LMNTD1: variants seen among roughly 807,000 people sequenced by gnomAD.
LMNTD1 encodes the protein lamin tail domain containing 1.
LMNTD1 carries 35 observed loss-of-function variants against 50.9 expected under a neutral mutation model. The ratio of observed to expected loss-of-function variants is 0.69; its 90% CI spans 0.53 to 0.91. The LOEUF (loss-of-function observed/expected upper bound fraction) is 0.91. LMNTD1 is among the 40% of genes least tolerant of loss of function. The pLI is 0.00. For synonymous variants in LMNTD1, 153 were observed against 161.9 expected (o/e 0.94, Z 0.42); for missense variants, 470 against 475.5 (o/e 0.99, Z 0.11).
chr12:25,632,426 G>T (rs1032551306), intron 1 of LMNTD1, among the ~76,000 whole-genome samples: 1 of 152,140 alleles, frequency 6.6e-6, no homozygotes, highest in South Asian at 2.1e-4. Context: ...AAGGAAAATT[G>T]ATCAGATTAA....
chr12:25,601,174 T>C (rs765319624), intron 1 of LMNTD1, among the ~76,000 whole-genome samples: 3 of 152,032 alleles, frequency 2.0e-5, no homozygotes, highest in Non-Finnish European at 2.9e-5. Flanking sequence ...GAGATCGTTA[T>C]GCTAAGTGAA....
chr12:25,485,669 A>T lies in LMNTD1; in HGVS notation c.*23-9209T>A, dbSNP rs1198095837. On this transcript the variant is annotated intron_variant, in intron 9 of 9. Coordinates refer to ENST00000458174, the MANE Select transcript of LMNTD1 (RefSeq NM_001145728.2). ...ACGTTTAAATCTTTAATCCATCTTG[A>T]ATTGATTTTTGTATAAGGTGTAAGG... 1.8e-4 allele frequency among the ~76,000 whole-genome samples: 15 copies of T among 83,298 alleles called. No homozygotes were observed. The South Asian group carries it at 8.3e-3, about 46-fold the overall frequency. The allele number at this position is 83,298 out of a possible 152,430, so 54.6% of individuals were successfully genotyped here.
At chr12:25,566,299 C>G (rs1231631498) in intron 1 of LMNTD1, among the ~76,000 whole-genome samples, 1 of 151,844 alleles carries the variant, frequency 6.6e-6, no homozygotes. Flanking sequence ...TTTTTTTCTT[C>G]TGTCTCTTCT....
chr12:25,528,051 G>A (rs1477358102), intron 4 of LMNTD1, among the ~76,000 whole-genome samples: 1 of 151,902 alleles, frequency 6.6e-6, no homozygotes, highest in Non-Finnish European at 1.5e-5. Flanking sequence ...TCCTAAAATT[G>A]TCAAAATTCT....
intron 4 of LMNTD1, among the ~76,000 whole-genome samples, chr12:25,527,640 C>CCATATATATATATA (rs1941830446): frequency 1.6e-5 from 1 of 61,720 alleles, no homozygotes; most frequent in Non-Finnish European, 3.1e-5. Context: ...CTTAATAACA[C>CCATATATATATATA]TATATATATA....
chr12:25,597,946 G>T (rs1317882357), intron 1 of LMNTD1, among the ~76,000 whole-genome samples: 3 of 152,140 alleles, frequency 2.0e-5, no homozygotes, highest in African/African-American at 4.8e-5. Flanking sequence ...GAGGAGCTCA[G>T]TGGGAAGTAA....
chr12:25,643,652 T>C (rs1946996908), intron 1 of LMNTD1, among the ~76,000 whole-genome samples: 1 of 152,172 alleles, frequency 6.6e-6, no homozygotes. Context: ...CCATGACTAA[T>C]CGAGTGTCAC....
chr12:25,546,241 G>T (rs1943419101), intron 4 of LMNTD1, 133 bp downstream of exon 4: 2 of 446,072 alleles, frequency 4.5e-6, no homozygotes, highest in Non-Finnish European at 7.7e-6. Flanking sequence ...AGATGAAACA[G>T]TTATATTTCA....
At chr12:25,616,295 G>A (rs1946352410) in intron 1 of LMNTD1, among the ~76,000 whole-genome samples, 1 of 152,118 alleles carries the variant, frequency 6.6e-6, no homozygotes, top group African/African-American at 2.4e-5. Flanking sequence ...GGCAGACATT[G>A]TGCTAAGCTT....
chr12:25,601,649 T>A (rs1945978898), intron 1 of LMNTD1, among the ~76,000 whole-genome samples: 1 of 151,772 alleles, frequency 6.6e-6, no homozygotes, highest in African/African-American at 2.4e-5. Context: ...CAGAGAAGAT[T>A]CCATTCTAAA....
At chr12:25,621,023 A>C (rs1043782227) in intron 1 of LMNTD1, among the ~76,000 whole-genome samples, 1 of 152,208 alleles carries the variant, frequency 6.6e-6, no homozygotes, top group Non-Finnish European at 1.5e-5. Context: ...AACTGACATC[A>C]GACACTGGGC....
intron 1 of LMNTD1, among the ~76,000 whole-genome samples, chr12:25,568,568 A>C (rs1229913056): frequency 6.6e-6 from 1 of 152,214 alleles, no homozygotes; most frequent in Admixed American, 6.5e-5. Flanking sequence ...TCAGAGACTT[A>C]TGAGGCAGCT....
intron 9 of LMNTD1, among the ~76,000 whole-genome samples, chr12:25,482,925 C>T (rs542677043): frequency 1.3e-5 from 2 of 152,114 alleles, no homozygotes; most frequent in Non-Finnish European, 1.5e-5. Flanking sequence ...TGTTCACTTA[C>T]AGGACCCATC....
rs61645838 is a variant in LMNTD1 at position 25,635,252 on chromosome 12, G to GAAAA, written c.58+13238_58+13241dup. Among the ~76,000 whole-genome samples the GAAAA allele has an allele frequency of 1.6e-4, 21 of 128,062 alleles. 1 individual carries two copies. Among genetic ancestry groups the GAAAA allele is most frequent in the South Asian group, 5.0e-4 (2 of 4,028 alleles). The allele number at this position is 128,062 out of a possible 152,430, so 84.0% of individuals were successfully genotyped here. The stretch of plus-strand genomic sequence containing the variant: ...TGAAACTCTGTCTCAAAAAAAAAAA[G>GAAAA]AAAAAAAAAAAAAAGAATTCAGTAA... On this transcript the variant is annotated intron_variant, in intron 1 of 7. Transcript: ENST00000445693.
chr12:25,599,756 TAATA>T (rs1945920274), intron 1 of LMNTD1, among the ~76,000 whole-genome samples: 4 of 151,878 alleles, frequency 2.6e-5, no homozygotes, highest in Admixed American at 2.0e-4. Flanking sequence ...GAGAGTGCTA[TAATA>T]AATAAAAACT....
chr12:25,515,658 G>T (rs980628676), intron 8 of LMNTD1, among the ~76,000 whole-genome samples: 1 of 152,054 alleles, frequency 6.6e-6, no homozygotes, highest in Non-Finnish European at 1.5e-5. Flanking sequence ...CATTATACTT[G>T]CTGTATTTTA....
chr12:25,494,837 A>G (rs538434399), intron 9 of LMNTD1, among the ~76,000 whole-genome samples: 10 of 152,184 alleles, frequency 6.6e-5, no homozygotes, highest in Admixed American at 3.3e-4. Flanking sequence ...CATACTTAAC[A>G]TTTGTTTCGT....
At chr12:25,529,214 T>G (rs1942044224) in intron 4 of LMNTD1, among the ~76,000 whole-genome samples, 1 of 152,178 alleles carries the variant, frequency 6.6e-6, no homozygotes, top group Non-Finnish European at 1.5e-5. Flanking sequence ...TTCACGCATC[T>G]CCCAGATGTT....
intron 9 of LMNTD1, among the ~76,000 whole-genome samples, chr12:25,500,846 C>A (rs1468034593): frequency 6.6e-6 from 1 of 152,180 alleles, no homozygotes; most frequent in Non-Finnish European, 1.5e-5. Context: ...AGAATGCCCA[C>A]ACATTCTTTG....
Sources: allele counts gnomAD v4.1 joint callset (sites outside exome capture counted in the v4.1 genomes callset), GRCh38; gene constraint gnomAD v4.1.1; transcripts MANE v1.5; gene names NCBI Gene and HGNC (gene_info 2026-07-23, HGNC 2026-07-21).